Variants in GRM7 observed in about 807,000 individuals in gnomAD.
GRM7 encodes the protein metabotropic glutamate receptor 7.
In GRM7, 35 loss-of-function variants were observed where a neutral mutation model predicts 84.5. The observed-to-expected ratio is 0.41, with a 90% CI of 0.32 to 0.55. The LOEUF (loss-of-function observed/expected upper bound fraction) is 0.55, where lower values mean the gene tolerates loss of function less well. GRM7 is among the 20% of genes least tolerant of loss of function. The pLI is 0.19. For synonymous variants in GRM7, 487 were observed against 455.1 expected (o/e 1.07, Z -0.89); for missense variants, 1,003 against 1,194.6 (o/e 0.84, Z 2.36).
chr3:7,058,623 A>G (rs1397908007), intron 1 of GRM7, among the ~76,000 whole-genome samples: 1 of 151,944 alleles, frequency 6.6e-6, no homozygotes, highest in Non-Finnish European at 1.5e-5. Context: ...AATAAATAGC[A>G]CTTGAACATA....
chr3:7,634,103 C>G (rs918643863), intron 8 of GRM7, among the ~76,000 whole-genome samples: 1 of 152,182 alleles, frequency 6.6e-6, no homozygotes, highest in East Asian at 1.9e-4. Flanking sequence ...GTATTTCGCC[C>G]AAATGTCCAT....
intron 5 of GRM7, among the ~76,000 whole-genome samples, chr3:7,437,664 C>A (rs748264114): frequency 6.6e-6 from 1 of 151,976 alleles, no homozygotes; most frequent in Non-Finnish European, 1.5e-5. Context: ...AGCTGATTCA[C>A]GTCTGCCTGG....
rs73808613 is a variant in GRM7 at position 7,022,531 on chromosome 3, A to C, written c.520-123921A>C. Reference sequence around the variant, plus strand: ...TAGCCTACAATACTTCTAGTACCCCAAAAAAATATTTTCTTTTAAAATCAG... The same window carrying C: ...TAGCCTACAATACTTCTAGTACCCCCAAAAAATATTTTCTTTTAAAATCAG... On this transcript the variant is annotated intron_variant, in intron 1 of 9. Transcript: ENST00000357716. 7.5e-3 allele frequency among the ~76,000 whole-genome samples: 1,140 copies of C among 151,884 alleles called. 13 individuals are homozygous for C. The highest frequency in any genetic ancestry group is 0.025 in the African/African-American group (1,031 of 41,420).
intron 8 of GRM7, among the ~76,000 whole-genome samples, chr3:7,618,980 A>G (rs144144874): frequency 6.6e-6 from 1 of 152,178 alleles, no homozygotes; most frequent in African/African-American, 2.4e-5. Flanking sequence ...ATTTATTTTC[A>G]GAAAATAGTT....
At chr3:7,581,424 G>A (rs1695245104) in intron 8 of GRM7, among the ~76,000 whole-genome samples, 1 of 152,124 alleles carries the variant, frequency 6.6e-6, no homozygotes, top group Admixed American at 6.6e-5. Context: ...CACAATTAAA[G>A]GCACAAAATT....
At chr3:7,546,552 G>A (rs892898786) in intron 7 of GRM7, among the ~76,000 whole-genome samples, 10 of 152,214 alleles carry the variant, frequency 6.6e-5, no homozygotes, top group African/African-American at 2.4e-4. Flanking sequence ...AGAAGCAAGT[G>A]AAAAACAAAG....
At chr3:7,600,970 T>G (rs1011930702) in intron 8 of GRM7, among the ~76,000 whole-genome samples, 3 of 151,826 alleles carry the variant, frequency 2.0e-5, no homozygotes, top group African/African-American at 7.3e-5. Flanking sequence ...ATTGCCACTC[T>G]CTGTGATACA....
chr3:7,254,493 G>A (rs1209982199), intron 2 of GRM7, among the ~76,000 whole-genome samples: 1 of 152,200 alleles, frequency 6.6e-6, no homozygotes, highest in Non-Finnish European at 1.5e-5. Context: ...CCTGTACAGG[G>A]CCATGTAGCA....
intron 7 of GRM7, among the ~76,000 whole-genome samples, chr3:7,577,003 G>A (rs1423148860): frequency 6.6e-6 from 1 of 152,162 alleles, no homozygotes; most frequent in East Asian, 1.9e-4. Flanking sequence ...TTCCCTCTAT[G>A]TTGGCTTCTT....
At chr3:7,479,573 T>C (rs1699049967) in intron 7 of GRM7, among the ~76,000 whole-genome samples, 1 of 152,184 alleles carries the variant, frequency 6.6e-6, no homozygotes, top group Non-Finnish European at 1.5e-5. Flanking sequence ...TCTAAATATA[T>C]ATTGATGAAC....
intron 7 of GRM7, among the ~76,000 whole-genome samples, chr3:7,504,538 A>G (rs1025745310): frequency 2.0e-5 from 3 of 152,250 alleles, no homozygotes; most frequent in Non-Finnish European, 4.4e-5. Context: ...GTTCAATAGC[A>G]TGGTGTCTGC....
At chr3:6,902,687 G>A (rs891533862) in intron 1 of GRM7, among the ~76,000 whole-genome samples, 1 of 152,054 alleles carries the variant, frequency 6.6e-6, no homozygotes, top group African/African-American at 2.4e-5. Context: ...TAATTGTCTA[G>A]CCAGATCTGC....
intron 9 of GRM7, among the ~76,000 whole-genome samples, chr3:7,682,539 TACACACACAC>T (rs35042061): frequency 1.3e-4 from 15 of 117,798 alleles, no homozygotes; most frequent in African/African-American, 3.2e-4. Flanking sequence ...TTTATTTTTG[TACACACACAC>T]ACACACACAC....
intron 4 of GRM7, among the ~76,000 whole-genome samples, chr3:7,326,827 C>T (rs1404418122): frequency 6.7e-6 from 1 of 149,328 alleles, no homozygotes; most frequent in Non-Finnish European, 1.5e-5. Flanking sequence ...CAGTGGAACT[C>T]CGTCTCAAAA....
intron 4 of GRM7, among the ~76,000 whole-genome samples, chr3:7,310,553 A>G (rs527679141): frequency 1.3e-5 from 2 of 152,082 alleles, no homozygotes; most frequent in African/African-American, 4.8e-5. Flanking sequence ...GTGAATGGGG[A>G]AAAAAAATGA....
intron 7 of GRM7, among the ~76,000 whole-genome samples, chr3:7,534,647 G>A (rs2125008845): frequency 6.6e-6 from 1 of 152,106 alleles, no homozygotes; most frequent in East Asian, 1.9e-4. Flanking sequence ...AGTCGTTGTG[G>A]TTATTCCATT....
intron 4 of GRM7, among the ~76,000 whole-genome samples, chr3:7,375,948 C>A (rs1298970920): frequency 6.6e-6 from 1 of 152,004 alleles, no homozygotes; most frequent in Non-Finnish European, 1.5e-5. Flanking sequence ...CCAACATCTC[C>A]CTGAGAGGAA....
intron 9 of GRM7, among the ~76,000 whole-genome samples, chr3:7,732,330 C>T (rs557948256): frequency 1.3e-5 from 2 of 152,258 alleles, no homozygotes; most frequent in East Asian, 3.9e-4. Context: ...ACTGTCTCTG[C>T]CATCCTGATA....
At chr3:7,412,201 T>C (rs2125175879) in intron 4 of GRM7, among the ~76,000 whole-genome samples, 2 of 152,330 alleles carry the variant, frequency 1.3e-5, no homozygotes, top group South Asian at 4.1e-4. Context: ...CCTCTGTTTA[T>C]AGGCTGGTTG....
Sources: gnomAD v4.1 joint callset for allele counts (sites outside exome capture counted in the v4.1 genomes callset) on GRCh38, gnomAD v4.1.1 for gene constraint, MANE v1.5 for transcripts, NCBI Gene and HGNC (gene_info 2026-07-23, HGNC 2026-07-21) for gene names.